CCND2: variants seen among roughly 807,000 people sequenced by gnomAD.
CCND2 encodes cyclin D2.
Under a neutral mutation model 30.2 loss-of-function variants are expected in CCND2, and 6 were observed. The ratio of observed to expected loss-of-function variants is 0.20; its 90% CI spans 0.11 to 0.39. The LOEUF (loss-of-function observed/expected upper bound fraction) is 0.39. Ranked by LOEUF, CCND2 falls within the 10% of genes least tolerant of loss-of-function variation. The pLI, the probability that CCND2 is intolerant of heterozygous loss-of-function variation, is 1.00. For synonymous variants in CCND2, 150 were observed against 153.1 expected, an observed-to-expected ratio of 0.98 and a Z score of 0.15; for missense variants, 235 against 373.4, an observed-to-expected ratio of 0.63 and a Z score of 3.06.
chr12:4,303,358 A>C lies in CCND2; in HGVS notation c.*3349A>C. On this transcript the variant is annotated 3_prime_UTR_variant, in exon 5 of 5. Coordinates refer to ENST00000261254, the MANE Select transcript of CCND2 (RefSeq NM_001759.4). This position sits in a 1 kb window ranked among gnomAD's most constrained non-coding sequence, Gnocchi z 4.6. ...CTTAGCTCTTAGTCTCTTTGGTAGG[A>C]GTTTTGTTCCAGAGGAGCTCTCCCC... The C allele has an allele frequency of 8.6e-6, 2 of 233,174 alleles. No homozygotes were observed. Among genetic ancestry groups the C allele is most frequent in the Non-Finnish European group, 1.7e-5 (2 of 118,052 alleles). 14.4% of individuals were successfully genotyped at this position (233,174 alleles called of 1,614,324 possible). A position where few individuals can be genotyped will look rare whatever the true frequency, so the allele number is the denominator to read the frequency against.
At chr12:4,286,387 G>A (rs185250969) in intron 3 of CCND2, among the ~76,000 whole-genome samples, 5 of 152,352 alleles carry the variant, frequency 3.3e-5, no homozygotes, top group Admixed American at 2.0e-4. Context: ...ACAGTCCCAC[G>A]TCTGGACCTA....
rs114657801 is a variant in CCND2 at position 4,290,272 on chromosome 12, G to A, written c.720+1282G>A. On this transcript the variant is annotated intron_variant, in intron 4 of 4. Coordinates refer to ENST00000261254, the MANE Select transcript of CCND2 (RefSeq NM_001759.4). ...AGGGAGATGCTGACGGAGCAAATCC[G>A]GGGTCCTCCTCTGAGATAGTTCGTA... Among the ~76,000 whole-genome samples, 113 of 152,270 alleles carry A rather than the reference G, an allele frequency of 7.4e-4. 1 individual carries two copies. Among genetic ancestry groups the A allele is most frequent in the African/African-American group, 2.0e-3 (83 of 41,554 alleles).
rs779575684 is a variant in CCND2, at chr12:4,285,876, G to T, written c.572-2966G>T. 6.6e-6 allele frequency among the ~76,000 whole-genome samples: 1 copy of T among 152,198 alleles called. No homozygotes were observed. ...GGTCCTGGGGCAGCCCTGGTGCCAC[G>T]GGGAAGTAGCGCCGCTCTGTGGAGA... On this transcript the variant is annotated intron_variant, in intron 3 of 4. Coordinates refer to ENST00000261254, the MANE Select transcript of CCND2 (RefSeq NM_001759.4). The surrounding 1 kb of genome is among the most constrained non-coding windows in gnomAD (Gnocchi z 4.1).
intron 2 of CCND2, among the ~76,000 whole-genome samples, chr12:4,277,834 A>G (rs1229832561): frequency 1.3e-5 from 2 of 152,256 alleles, no homozygotes; most frequent in Admixed American, 6.5e-5. Flanking sequence ...TTCTGATGAC[A>G]GCTCAGTGGA....
chr12:4,291,217 G>GTGTGTGTGTGTGTGTGTGTGTGTGTGTT, intron 4 of CCND2, among the ~76,000 whole-genome samples: 1 of 151,432 alleles, frequency 6.6e-6, no homozygotes, highest in Non-Finnish European at 1.5e-5. Flanking sequence ...CTGTGTGTGT[G>GTGTGTGTGTGTGTGTGTGTGTGTGTGTT]TGTGTGTGTG....
chr12:4,280,624 A>G (rs926139656), intron 3 of CCND2, among the ~76,000 whole-genome samples: 1 of 152,160 alleles, frequency 6.6e-6, no homozygotes, highest in Non-Finnish European at 1.5e-5. Flanking sequence ...TCAGTCCTCC[A>G]GTGACCTGTC....
chr12:4,279,426 T>C (rs1437498023), intron 3 of CCND2, among the ~76,000 whole-genome samples: 2 of 151,860 alleles, frequency 1.3e-5, no homozygotes, highest in African/African-American at 4.8e-5. Context: ...AGGGCATTTA[T>C]GGCCTTCTAG....
At position 4,299,013 on chromosome 12, in the gene CCND2, T is replaced by C. The variant is rs529680692; in HGVS notation, c.721-847T>C. ...TGTTGTAGACATTCTGCATTATATC[T>C]TTATGAGAGTTAAGGAAATGGTAAA... On this transcript the variant is annotated intron_variant, in intron 4 of 4. Transcript: ENST00000261254. The surrounding 1 kb of genome is among the most constrained non-coding windows in gnomAD (Gnocchi z 5.2). Among the ~76,000 whole-genome samples, 8 of 152,294 alleles carry C rather than the reference T, an allele frequency of 5.3e-5. No homozygotes were observed. The South Asian group carries it at 1.7e-3, about 32-fold the overall frequency.
At chr12:4,278,550 C>T (rs1773862720) in intron 2 of CCND2, 1 of 451,654 alleles carries the variant, frequency 2.2e-6, no homozygotes, top group Non-Finnish European at 4.0e-6. Context: ...TCATTATTTT[C>T]AGTGGAGCCT....
Position 4,285,211 on chromosome 12 carries a change from C to A in CCND2, c.572-3631C>A. On this transcript the variant is annotated intron_variant, in intron 3 of 4. Transcript: ENST00000261254. The surrounding 1 kb of genome is among the most constrained non-coding windows in gnomAD (Gnocchi z 4.1). ...CCATGCTGCCTGGAACAGGGAGGAG[C>A]ACATTGTCATGAGTCGATCAGAATG... 1.2e-6 allele frequency: 1 copy of A among 827,014 alleles called. No homozygotes were observed. Among genetic ancestry groups the A allele is most frequent in the Non-Finnish European group, 1.5e-6 (1 of 685,556 alleles). 51.2% of individuals were successfully genotyped at this position (827,014 alleles called of 1,614,324 possible).
At chr12:4,298,899 T>C (rs1365755568) in intron 4 of CCND2, among the ~76,000 whole-genome samples, 1 of 152,100 alleles carries the variant, frequency 6.6e-6, no homozygotes, top group Non-Finnish European at 1.5e-5. Flanking sequence ...GCAGACACAC[T>C]GTCAATTACC....
In CCND2 at chr12:4,278,742, T is replaced by C. The variant is rs375843303; in HGVS notation, c.412-18T>C. The C allele has an allele frequency of 3.1e-6, 5 of 1,613,236 alleles. No individual in the cohort carries two copies. The highest frequency in any genetic ancestry group is 1.7e-4 in the Middle Eastern group (1 of 6,046). On this transcript the variant is annotated intron_variant, in intron 2 of 4. Transcript: ENST00000261254. ...TGGAATTTAGATTCTCCTCTTCTCT[T>C]CCTGCCTTCCCCTCCAGGAGTGGGA...
chr12:4,286,645 C>T (rs1267061159), intron 3 of CCND2, among the ~76,000 whole-genome samples: 3 of 152,222 alleles, frequency 2.0e-5, no homozygotes, highest in African/African-American at 7.2e-5. Flanking sequence ...TGGGATTGGA[C>T]AGTGTCCCCA....
rs1049606 is a variant in CCND2, at chr12:4,273,870, C to T, written c.-171C>T. 383,693 of 661,906 alleles carry T rather than the reference C, an allele frequency of 0.58. 112,200 individuals carry two copies. The highest frequency in any genetic ancestry group is 0.68 in the Admixed American group (22,986 of 33,934). The allele number at this position is 661,906 out of a possible 1,614,324, so 41.0% of individuals were successfully genotyped here. ...TCGCCCACCACCCAATCCTCGCCTC[C>T]CTTCTGCTCCACCTTCTCTCTCTGC... is the stretch of plus-strand genomic sequence containing the variant. On this transcript the variant is annotated 5_prime_UTR_variant, in exon 1 of 5. Transcript: ENST00000261254. The surrounding 1 kb of genome is among the most constrained non-coding windows in gnomAD (Gnocchi z 5.9).
At chr12:4,281,308 A>C (rs1863944483) in intron 3 of CCND2, among the ~76,000 whole-genome samples, 1 of 152,162 alleles carries the variant, frequency 6.6e-6, no homozygotes, top group Non-Finnish European at 1.5e-5. Context: ...GGCTGCGTGG[A>C]GTTTTACAAC....
At chr12:4,289,057 G>T in intron 4 of CCND2, 67 bp downstream of exon 4, 1 of 1,444,170 alleles carries the variant, frequency 6.9e-7, no homozygotes, top group South Asian at 1.3e-5. Flanking sequence ...GGAGACGACG[G>T]ATTTGATTAT....
At position 4,274,138 on chromosome 12, in the gene CCND2, T is replaced by G. The variant is rs1009356572; in HGVS notation, c.98T>G (p.Ile33Ser). 6.2e-7 allele frequency: 1 copy of G among 1,614,062 alleles called. No homozygotes were observed. The change falls in exon 1 of 5, where the codon ATC (isoleucine) becomes AGC (serine). Residue 33 changes from isoleucine to serine, a missense_variant. Ile to Ser is a moderately radical substitution (Grantham distance 142, BLOSUM62 -2). Coordinates refer to ENST00000261254, the MANE Select transcript of CCND2 (RefSeq NM_001759.4). The surrounding 1 kb of genome is among the most constrained non-coding windows in gnomAD (Gnocchi z 7.7). ...CGCGTCCTGCAGAACCTGCTCACCA[T>G]CGAGGAGCGCTACCTTCCGCAGTGC... ...DDRVLQNLLT[I>S]EERYLPQCSY...
At chr12:4,296,855 T>A (rs892486393) in intron 4 of CCND2, among the ~76,000 whole-genome samples, 2 of 152,110 alleles carry the variant, frequency 1.3e-5, no homozygotes, top group African/African-American at 4.8e-5. Context: ...GAAGAAAATA[T>A]CAATTTAGAC....
At chr12:4,296,594 T>C (rs2120582933) in intron 4 of CCND2, among the ~76,000 whole-genome samples, 1 of 152,370 alleles carries the variant, frequency 6.6e-6, no homozygotes. Flanking sequence ...TTAGGCCTTA[T>C]GCTTTGGGTA....
Sources: allele counts gnomAD v4.1 joint callset (sites outside exome capture counted in the v4.1 genomes callset), GRCh38; gene constraint gnomAD v4.1.1; non-coding constraint Gnocchi (gnomAD v3.1); transcripts MANE v1.5; gene names NCBI Gene and HGNC (gene_info 2026-07-23, HGNC 2026-07-21).